The following GAB2 variants were observed in gnomAD, a reference collection of about 807,000 sequenced individuals.
GAB2 encodes the protein GRB2 associated binding protein 2.
GAB2 carries 26 observed loss-of-function variants against 65.5 expected under a neutral mutation model. The observed-to-expected ratio is 0.40, with a 90% CI of 0.29 to 0.55. GAB2 has a LOEUF of 0.55. Ranked by LOEUF, GAB2 falls within the 20% of genes least tolerant of loss-of-function variation. The pLI is 0.53. For synonymous variants in GAB2, 321 were observed against 329.6 expected, an observed-to-expected ratio of 0.97 and a Z score of 0.28; for missense variants, 884 against 875.8, an observed-to-expected ratio of 1.01 and a Z score of -0.12.
At chr11:78,256,026 A>C (rs924886454) in intron 2 of GAB2, among the ~76,000 whole-genome samples, 1 of 152,206 alleles carries the variant, frequency 6.6e-6, no homozygotes, top group African/African-American at 2.4e-5. Context: ...AGGGACTATT[A>C]ATATCTAGGA....
At chr11:78,221,639 T>A (rs781465416) in intron 8 of GAB2, 38 bp downstream of exon 8, 1 of 1,359,078 alleles carries the variant, frequency 7.4e-7, no homozygotes, top group Non-Finnish European at 1.0e-6. Context: ...CCCAGGGGAC[T>A]TGAAAGGCGT....
rs1210192752 is a variant in GAB2, at chr11:78,215,439, T to A, written c.*3833A>T. The A allele has an allele frequency of 6.6e-6, 1 of 152,530 alleles. No homozygotes were observed. The highest frequency in any genetic ancestry group is 1.5e-5 in the Non-Finnish European group (1 of 68,018). 9.4% of individuals were successfully genotyped at this position (152,530 alleles called of 1,614,324 possible). On this transcript the variant is annotated 3_prime_UTR_variant, in exon 10 of 10. Coordinates refer to ENST00000361507, the MANE Select transcript of GAB2 (RefSeq NM_080491.3). ...ACTCCTGTCCCACCCACCGGATAAATATGTTACAATTTAAAAAAAAGAATA... is the reference window on the plus strand; with the variant it reads ...ACTCCTGTCCCACCCACCGGATAAAAATGTTACAATTTAAAAAAAAGAATA...
intron 1 of GAB2, among the ~76,000 whole-genome samples, chr11:78,316,069 C>T (rs1460002474): frequency 1.3e-5 from 2 of 152,260 alleles, no homozygotes; most frequent in South Asian, 2.1e-4. Flanking sequence ...TGCTTCCTCC[C>T]GCTCCTCCTG....
intron 2 of GAB2, among the ~76,000 whole-genome samples, chr11:78,272,251 G>C (rs1028082139): frequency 3.9e-5 from 6 of 152,188 alleles, no homozygotes; most frequent in African/African-American, 1.4e-4. Flanking sequence ...TAACAGGCAG[G>C]GGTTGGAACA....
At position 78,221,701 on chromosome 11, in the gene GAB2, G is replaced by A. The variant is rs2134455163; in HGVS notation, c.1737C>T (p.Asp579=). ...TQSITSTDSG[D]SEENYVPMQN... Reference sequence around the variant, plus strand: ...CCATAGGGACATAGTTCTCTTCGCTGTCTCCTGAGTCTGTGCTGGTGATGC... The same window carrying A: ...CCATAGGGACATAGTTCTCTTCGCTATCTCCTGAGTCTGTGCTGGTGATGC... Residue 579 remains aspartate, a synonymous_variant, in exon 8 of 10, where the codon GAC becomes GAT. Coordinates refer to ENST00000361507, the MANE Select transcript of GAB2 (RefSeq NM_080491.3). 6.2e-7 allele frequency: 1 copy of A among 1,612,736 alleles called. No homozygotes were observed. Among genetic ancestry groups the A allele is most frequent in the Non-Finnish European group, 8.5e-7 (1 of 1,178,852 alleles).
At chr11:78,253,079 C>T (rs1360491896) in intron 2 of GAB2, among the ~76,000 whole-genome samples, 3 of 138,880 alleles carry the variant, frequency 2.2e-5, no homozygotes, top group Admixed American at 7.8e-5. Context: ...GGTACGATCT[C>T]GGCTCACCAC....
At chr11:78,354,505 C>G (rs1236318268) in intron 1 of GAB2, among the ~76,000 whole-genome samples, 1 of 152,036 alleles carries the variant, frequency 6.6e-6, no homozygotes, top group African/African-American at 2.4e-5. Context: ...GCTTTTGACA[C>G]TGCAATGGTG....
chr11:78,276,856 C>T (rs371232877), intron 2 of GAB2, among the ~76,000 whole-genome samples: 7 of 152,264 alleles, frequency 4.6e-5, no homozygotes, highest in African/African-American at 1.7e-4. Context: ...CTCGTTCTGT[C>T]GCCCAGGCTG....
At chr11:78,268,714 T>C (rs547878513) in intron 2 of GAB2, among the ~76,000 whole-genome samples, 29 of 126,240 alleles carry the variant, frequency 2.3e-4, no homozygotes, top group Non-Finnish European at 4.5e-4. Flanking sequence ...GCTGGGGTGG[T>C]GAGGGGGAGT....
At chr11:78,270,672 A>G (rs958803261) in intron 2 of GAB2, among the ~76,000 whole-genome samples, 1 of 152,264 alleles carries the variant, frequency 6.6e-6, no homozygotes, top group South Asian at 2.1e-4. Context: ...TATAGACTAT[A>G]AAGTTCTGTA....
At chr11:78,352,410 A>G (rs908254698) in intron 1 of GAB2, among the ~76,000 whole-genome samples, 5 of 152,248 alleles carry the variant, frequency 3.3e-5, no homozygotes, top group African/African-American at 1.2e-4. Flanking sequence ...AGAGCTCAGC[A>G]GGGCTTCACA....
At chr11:78,258,686 C>T (rs1865659259) in intron 2 of GAB2, among the ~76,000 whole-genome samples, 1 of 151,872 alleles carries the variant, frequency 6.6e-6, no homozygotes, top group South Asian at 2.1e-4. Flanking sequence ...CAGCCTCGAC[C>T]TCCTGGGCTC....
chr11:78,304,175 ACATTCTCCTAT>A (rs1855299437), intron 1 of GAB2, among the ~76,000 whole-genome samples: 2 of 151,394 alleles, frequency 1.3e-5, no homozygotes, highest in African/African-American at 2.5e-5. Flanking sequence ...GTTGTTCATA[ACATTCTCCTAT>A]TATGCTTTTA....
chr11:78,333,827 T>C (rs1855955021), intron 1 of GAB2, among the ~76,000 whole-genome samples: 2 of 152,220 alleles, frequency 1.3e-5, no homozygotes, highest in Non-Finnish European at 2.9e-5. Flanking sequence ...CACCACAATT[T>C]CCTGCATTTC....
At chr11:78,374,469 G>C (rs574218609) in intron 1 of GAB2, among the ~76,000 whole-genome samples, 1 of 152,148 alleles carries the variant, frequency 6.6e-6, no homozygotes, top group Non-Finnish European at 1.5e-5. Flanking sequence ...CTGAAGTCCC[G>C]GGGTCTAGTC....
At chr11:78,385,646 C>T (rs546743684) in intron 1 of GAB2, among the ~76,000 whole-genome samples, 1 of 152,318 alleles carries the variant, frequency 6.6e-6, no homozygotes, top group East Asian at 1.9e-4. Flanking sequence ...ATACTTGTAG[C>T]ATATGCAGGA....
At chr11:78,238,430 G>A (rs1865044560) in intron 3 of GAB2, among the ~76,000 whole-genome samples, 1 of 151,290 alleles carries the variant, frequency 6.6e-6, no homozygotes, top group African/African-American at 2.4e-5. Context: ...AGGAGTTTGA[G>A]GCTGCAGTGA....
At chr11:78,224,467 A>G in intron 5 of GAB2, among the ~76,000 whole-genome samples, 1 of 152,182 alleles carries the variant, frequency 6.6e-6, no homozygotes. Flanking sequence ...CCAGGCACCT[A>G]GGGGACCACC....
At chr11:78,255,133 G>C (rs1482873314) in intron 2 of GAB2, among the ~76,000 whole-genome samples, 3 of 152,020 alleles carry the variant, frequency 2.0e-5, no homozygotes, top group Admixed American at 6.6e-5. Context: ...GAAACACAAA[G>C]GCAGAATACC....
Sources: allele counts gnomAD v4.1 joint callset (sites outside exome capture counted in the v4.1 genomes callset), GRCh38; gene constraint gnomAD v4.1.1; transcripts MANE v1.5; gene names NCBI Gene and HGNC (gene_info 2026-07-23, HGNC 2026-07-21).